Variants in BIRC6 observed in about 807,000 individuals in gnomAD.
BIRC6 encodes the protein dual E2 ubiquitin-conjugating enzyme/E3 ubiquitin-protein ligase BIRC6.
BIRC6 carries 98 observed loss-of-function variants against 503.3 expected under a neutral mutation model. The ratio of observed to expected loss-of-function variants is 0.19; its 90% CI spans 0.17 to 0.23. BIRC6 has a LOEUF of 0.23. BIRC6 is among the 10% of genes least tolerant of loss of function. The pLI is 1.00. For missense variants in BIRC6, 5,360 were observed against 5,806.0 expected, an observed-to-expected ratio of 0.92 and a Z score of 2.50; for synonymous variants, 2,240 against 2,078.7, an observed-to-expected ratio of 1.08 and a Z score of -2.11.
intron 3 of BIRC6, among the ~76,000 whole-genome samples, chr2:32,388,212 G>A (rs553672377): frequency 6.6e-6 from 1 of 151,478 alleles, no homozygotes; most frequent in Non-Finnish European, 1.5e-5. Context: ...AACCCCGTCT[G>A]TACTAAAAAT....
At chr2:32,382,725 ATTTATT>A (rs2037856298) in intron 3 of BIRC6, among the ~76,000 whole-genome samples, 1 of 152,134 alleles carries the variant, frequency 6.6e-6, no homozygotes, top group African/African-American at 2.4e-5. Context: ...TTTTTAAAAA[ATTTATT>A]TTTATTTTTG....
chr2:32,572,130 C>G (rs927047361), intron 65 of BIRC6, among the ~76,000 whole-genome samples: 1 of 152,024 alleles, frequency 6.6e-6, no homozygotes, highest in Non-Finnish European at 1.5e-5. Flanking sequence ...GTTAAGACTC[C>G]TTTTATGGAC....
chr2:32,588,421 TC>T (rs2061200414), intron 66 of BIRC6, among the ~76,000 whole-genome samples: 1 of 152,188 alleles, frequency 6.6e-6, no homozygotes, highest in Non-Finnish European at 1.5e-5. Flanking sequence ...TTTTCTACTG[TC>T]TTTTCAAGAT....
At chr2:32,600,587 A>G (rs994432033) in intron 70 of BIRC6, among the ~76,000 whole-genome samples, 4 of 152,242 alleles carry the variant, frequency 2.6e-5, no homozygotes, top group African/African-American at 9.6e-5. Context: ...TGAGTAGGGA[A>G]GAGGAAATAG....
At chr2:32,463,167 T>C in intron 23 of BIRC6, 27 bp from the exon 24 acceptor site, 2 of 1,557,812 alleles carry the variant, frequency 1.3e-6, no homozygotes, top group Non-Finnish European at 1.7e-6. Context: ...TTTTTTGTTT[T>C]TGTTTTTACC....
At position 32,357,249 on chromosome 2, in the gene BIRC6, G is replaced by C; in HGVS notation, c.88G>C (p.Ala30Pro). 1 of 1,522,344 alleles carries C rather than the reference G, an allele frequency of 6.6e-7. No homozygotes were observed. The highest frequency in any genetic ancestry group is 8.8e-7 in the Non-Finnish European group (1 of 1,138,438). The allele number at this position is 1,522,344 out of a possible 1,614,324, so 94.3% of individuals were successfully genotyped here. A position where few individuals can be genotyped will look rare whatever the true frequency, so the allele number is the denominator to read the frequency against. Residue 30 changes from alanine to proline, a missense_variant, in exon 1 of 74, where the codon GCG becomes CCG. By Grantham distance (27) the Ala-to-Pro change is conservative. Around this residue, in one of 16 missense-constraint regions of BIRC6, gnomAD observed 145 missense variants for 106.9 expected, o/e 1.36. Coordinates refer to ENST00000421745, the MANE Select transcript of BIRC6 (RefSeq NM_016252.4). This position sits in a 1 kb window ranked among gnomAD's most constrained non-coding sequence, Gnocchi z 4.9. ...VIVLSAGRKM[A>P]AAAAAASGPG... Reference sequence around the variant, plus strand: ...TGTGCTGAGCGCAGGCCGGAAGATGGCGGCTGCGGCTGCGGCGGCCTCGGG... The same window carrying C: ...TGTGCTGAGCGCAGGCCGGAAGATGCCGGCTGCGGCTGCGGCGGCCTCGGG...
chr2:32,563,325 A>G (rs2150748025), intron 65 of BIRC6: 1 of 152,278 alleles, frequency 6.6e-6, no homozygotes, highest in Non-Finnish European at 1.5e-5. Context: ...AGACAGGGAA[A>G]TCATTCAAAA....
At chr2:32,539,970 A>G (rs2057532777) in intron 61 of BIRC6, among the ~76,000 whole-genome samples, 1 of 152,114 alleles carries the variant, frequency 6.6e-6, no homozygotes, top group African/African-American at 2.4e-5. Context: ...GCACATTATT[A>G]TAATTTCTAT....
intron 51 of BIRC6, among the ~76,000 whole-genome samples, chr2:32,509,467 A>T (rs1572703647): frequency 1.3e-5 from 2 of 151,998 alleles, no homozygotes; most frequent in South Asian, 2.1e-4. Context: ...GTTGGCCAGG[A>T]TGGTCTCGAA....
intron 15 of BIRC6, among the ~76,000 whole-genome samples, chr2:32,438,050 C>T (rs1558723189): frequency 6.6e-6 from 1 of 152,150 alleles, no homozygotes; most frequent in Non-Finnish European, 1.5e-5. Context: ...CCTTGGCCTC[C>T]CAAAGTGCTA....
chr2:32,448,332 T>C (rs968480284), intron 21 of BIRC6, among the ~76,000 whole-genome samples: 5 of 134,908 alleles, frequency 3.7e-5, no homozygotes, highest in African/African-American at 1.1e-4. Context: ...CGAGCCGAGA[T>C]CACGCCACTG....
chr2:32,447,551 G>T (rs867097948), intron 21 of BIRC6, among the ~76,000 whole-genome samples: 23,582 of 93,820 alleles, frequency 0.25, 478 homozygotes, highest in Non-Finnish European at 0.31. Context: ...AGTAGGGGCG[G>T]CCGGGCAGAG....
chr2:32,612,856 T>G lies in BIRC6; in HGVS notation c.14394+1274T>G, dbSNP rs192123277. Reference sequence around the variant, plus strand: ...GAAAAACACTTGCAGAAAATTTCCCTAAGCTAGTTCTATTTTGCCCCTATT... The same window carrying G: ...GAAAAACACTTGCAGAAAATTTCCCGAAGCTAGTTCTATTTTGCCCCTATT... On this transcript the variant is annotated intron_variant, in intron 73 of 73. Transcript: ENST00000421745. 5.5e-3 allele frequency among the ~76,000 whole-genome samples: 843 copies of G among 152,348 alleles called. 5 individuals are homozygous for G. The highest frequency in any genetic ancestry group is 8.3e-3 in the Non-Finnish European group (567 of 68,036).
chr2:32,590,300 T>C (rs2061320366), intron 66 of BIRC6, among the ~76,000 whole-genome samples: 1 of 152,206 alleles, frequency 6.6e-6, no homozygotes, highest in Non-Finnish European at 1.5e-5. Flanking sequence ...AGAATCTTCT[T>C]CTGCAGTGCT....
intron 8 of BIRC6, among the ~76,000 whole-genome samples, chr2:32,404,079 C>T (rs745710185): frequency 5.3e-5 from 8 of 151,706 alleles, no homozygotes; most frequent in Admixed American, 1.3e-4. Flanking sequence ...CAGGTGCCCA[C>T]GACCCCTCCT....
At position 32,513,144 on chromosome 2, in the gene BIRC6, G is replaced by C. The variant is rs747336424; in HGVS notation, c.10558G>C (p.Glu3520Gln). The part of the protein sequence containing the change: ...EYDLPALLDQ[E>Q]LFELLFNWSM... ...TGACTTACCAGCACTCCTGGACCAAGAGCTCTTTGAGTAAGTATGATTTGT... is the reference window on the plus strand; with the variant it reads ...TGACTTACCAGCACTCCTGGACCAACAGCTCTTTGAGTAAGTATGATTTGT... The change falls in exon 54 of 74, where the codon GAG becomes CAG. Residue 3520 changes from glutamate to glutamine, a missense_variant. Physicochemically the swap from Glu to Gln is conservative, Grantham distance 29 (BLOSUM62 2). Coordinates refer to ENST00000421745, the MANE Select transcript of BIRC6 (RefSeq NM_016252.4). 1 of 1,612,350 alleles carries C rather than the reference G, an allele frequency of 6.2e-7. No homozygotes were observed. The highest frequency in any genetic ancestry group is 1.7e-5 in the Admixed American group (1 of 60,008).
At chr2:32,530,717 C>T (rs2150011779) in intron 60 of BIRC6, among the ~76,000 whole-genome samples, 2 of 152,172 alleles carry the variant, frequency 1.3e-5, no homozygotes, top group Middle Eastern at 3.4e-3. Flanking sequence ...GACTAAAATT[C>T]AGTCTTTAGT....
Position 32,473,107 on chromosome 2 carries a change from TG to T in BIRC6, c.6593-4del. The T allele has an allele frequency of 6.4e-7, 1 of 1,567,664 alleles. No individual in the cohort carries two copies. Among genetic ancestry groups the T allele is most frequent in the Non-Finnish European group, 8.6e-7 (1 of 1,157,760 alleles). On this transcript the variant is annotated splice_polypyrimidine_tract_variant and splice_region_variant and intron_variant, in intron 32 of 73. Transcript: ENST00000421745. ...TTATTAATACAAGTTTTCCTTCGCC[TG>T]TAGGTAATCAGTGGAGTTTTATTAA...
rs1004995765 is a variant in BIRC6, at chr2:32,388,890, C to G, written c.786C>G (p.Leu262=). Residue 262 remains leucine (L), a synonymous_variant, in exon 4 of 74, where the codon CTC becomes CTG. Coordinates refer to ENST00000421745, the MANE Select transcript of BIRC6 (RefSeq NM_016252.4). The part of the protein sequence containing the change: ...ASSVMDRLSY[L]LPSARPELGV... ...CAGTGATGGACAGATTGTCTTACCTCTTACCTAGTGCACGTCCAGAACTCG... is the reference window on the plus strand; with the variant it reads ...CAGTGATGGACAGATTGTCTTACCTGTTACCTAGTGCACGTCCAGAACTCG... 4 of 1,610,920 alleles carry G rather than the reference C, an allele frequency of 2.5e-6. No homozygotes were observed. Among genetic ancestry groups the G allele is most frequent in the Non-Finnish European group, 3.4e-6 (4 of 1,179,006 alleles).
Sources: gnomAD v4.1 joint callset for allele counts (sites outside exome capture counted in the v4.1 genomes callset) on GRCh38, gnomAD v4.1.1 for gene constraint, gnomAD v4.1.1 regional missense constraint, Gnocchi (gnomAD v3.1) non-coding constraint, MANE v1.5 for transcripts, NCBI Gene and HGNC (gene_info 2026-07-23, HGNC 2026-07-21) for gene names.